PHLDB2: variants seen among roughly 807,000 people sequenced by gnomAD.
PHLDB2 encodes pleckstrin homology-like domain family B member 2.
A neutral mutation model predicts 123.6 loss-of-function variants in PHLDB2; 71 were observed. That is an observed-to-expected ratio of 0.57 (90% CI 0.47 to 0.70). PHLDB2 has a LOEUF of 0.70. Among genes scored for constraint, PHLDB2 ranks in the 30% least tolerant of loss-of-function variants. The pLI, the probability that PHLDB2 is intolerant of heterozygous loss-of-function variation, is 0.00. For synonymous variants in PHLDB2, 547 were observed against 541.6 expected (o/e 1.01, Z -0.14); for missense variants, 1,446 against 1,519.5 (o/e 0.95, Z 0.80).
chr3:111,958,289 T>A (rs2071178308), intron 12 of PHLDB2: 2 of 989,406 alleles, frequency 2.0e-6, no homozygotes, highest in African/African-American at 3.5e-5. Flanking sequence ...AATGAATTCC[T>A]CAGCAGGTGA....
At chr3:111,779,907 C>G in intron 1 of PHLDB2, 1 of 964,732 alleles carries the variant, frequency 1.0e-6, no homozygotes, top group African/African-American at 1.8e-5. Context: ...AGGGTTGGGT[C>G]ATACACCCAA....
At chr3:111,816,784 C>G (rs2062095730) in intron 1 of PHLDB2, among the ~76,000 whole-genome samples, 1 of 152,076 alleles carries the variant, frequency 6.6e-6, no homozygotes, top group African/African-American at 2.4e-5. Context: ...TGAGAGGGGC[C>G]AACAGTGGAA....
chr3:111,918,994 G>A, intron 3 of PHLDB2, 78 bp from the exon 4 acceptor site: 2 of 1,477,432 alleles, frequency 1.4e-6, no homozygotes, highest in Non-Finnish European at 1.9e-6. Context: ...CCCTAGACCT[G>A]TGGATGGTTT....
At chr3:111,857,476 A>AAAAGAACAG, upstream of PHLDB2, among the ~76,000 whole-genome samples, 1 of 146,524 alleles carries the variant, frequency 6.8e-6, no homozygotes, top group East Asian at 2.0e-4. Context: ...AAAAGAAAAG[A>AAAAGAACAG]AAAAAAAATT....
At chr3:111,828,833 C>T (rs1023410595) in intron 1 of PHLDB2, among the ~76,000 whole-genome samples, 1 of 152,196 alleles carries the variant, frequency 6.6e-6, no homozygotes, top group African/African-American at 2.4e-5. Flanking sequence ...ATACCTTCCA[C>T]TTGACTCAGT....
chr3:111,821,786 CT>C (rs2062396862), intron 1 of PHLDB2, among the ~76,000 whole-genome samples: 1 of 152,168 alleles, frequency 6.6e-6, no homozygotes, highest in African/African-American at 2.4e-5. Context: ...GCAGGTGATG[CT>C]ACTAAAAATA....
At chr3:111,762,007 G>C (rs2108015225) in intron 1 of PHLDB2, among the ~76,000 whole-genome samples, 1 of 152,332 alleles carries the variant, frequency 6.6e-6, no homozygotes, top group Non-Finnish European at 1.5e-5. Context: ...AAGAGAGGAT[G>C]AGGGGTCAGA....
In PHLDB2 at chr3:111,737,882, T is replaced by A. The variant is rs151095449; in HGVS notation, c.-49+5179T>A. On this transcript the variant is annotated intron_variant, in intron 1 of 17. Transcript: ENST00000393923. ...GATGGCTTTCGTCCATGGGGCCTAC[T>A]TTGTGGTGATCTCATTAGGTTTCAC... Among the ~76,000 whole-genome samples the A allele has an allele frequency of 1.9e-3, 286 of 152,222 alleles. 1 individual carries two copies. Among genetic ancestry groups the A allele is most frequent in the Middle Eastern group, 6.8e-3 (2 of 294 alleles).
At chr3:111,926,129 A>G (rs1401701553) in intron 5 of PHLDB2, among the ~76,000 whole-genome samples, 2 of 152,242 alleles carry the variant, frequency 1.3e-5, no homozygotes, top group Non-Finnish European at 2.9e-5. Flanking sequence ...CATGAAACAC[A>G]CTTAAAGTTT....
At chr3:111,745,000 A>G (rs2059660150) in intron 1 of PHLDB2, among the ~76,000 whole-genome samples, 1 of 152,182 alleles carries the variant, frequency 6.6e-6, no homozygotes, top group Admixed American at 6.5e-5. Flanking sequence ...TGATCCTCCC[A>G]AGACCTTATT....
chr3:111,853,499 G>A (rs2064349566), intron 2 of PHLDB2, among the ~76,000 whole-genome samples: 1 of 152,156 alleles, frequency 6.6e-6, no homozygotes, highest in South Asian at 2.1e-4. Context: ...AAACGTGGTT[G>A]GAAACTACTC....
chr3:111,804,552 T>C (rs1229092170), intron 1 of PHLDB2, among the ~76,000 whole-genome samples: 1 of 152,216 alleles, frequency 6.6e-6, no homozygotes, highest in Admixed American at 6.5e-5. Flanking sequence ...TAAGATATAC[T>C]ATCTGCAGCA....
chr3:111,814,517 G>T (rs2108356369), intron 1 of PHLDB2, among the ~76,000 whole-genome samples: 1 of 151,916 alleles, frequency 6.6e-6, no homozygotes, highest in Non-Finnish European at 1.5e-5. Context: ...CTTAAAATAA[G>T]ATTGGAAAAC....
At chr3:111,896,688 C>T (rs1467847307) in intron 2 of PHLDB2, among the ~76,000 whole-genome samples, 1 of 151,670 alleles carries the variant, frequency 6.6e-6, no homozygotes, top group African/African-American at 2.4e-5. Flanking sequence ...TTTCTCTTCC[C>T]CAGCTTGAGA....
chr3:111,885,532 A>C (rs762549500), intron 2 of PHLDB2, 120 bp downstream of exon 2: 1 of 1,259,066 alleles, frequency 7.9e-7, no homozygotes, highest in South Asian at 1.2e-5. Flanking sequence ...CACTAGCCAC[A>C]GCTGCTATCT....
At chr3:111,784,313 T>C (rs1250903740) in intron 1 of PHLDB2, among the ~76,000 whole-genome samples, 1 of 152,202 alleles carries the variant, frequency 6.6e-6, no homozygotes, top group Admixed American at 6.5e-5. Context: ...TCATTAGGAC[T>C]GTCTGCAAAA....
At chr3:111,842,375 G>A (rs1318098056) in intron 1 of PHLDB2, among the ~76,000 whole-genome samples, 6 of 151,968 alleles carry the variant, frequency 3.9e-5, no homozygotes, top group African/African-American at 9.7e-5. Context: ...TAACATCCCC[G>A]CCAGGGTGGT....
intron 1 of PHLDB2, among the ~76,000 whole-genome samples, chr3:111,830,953 AAGAG>A (rs199823136): frequency 1.4e-4 from 12 of 84,700 alleles, no homozygotes; most frequent in African/African-American, 6.3e-4. Flanking sequence ...GAAAGAAAGA[AAGAG>A]AAAGAAAGAA....
rs1161449499 is a variant in PHLDB2 at position 111,966,522 on chromosome 3, TCTGGG to T, written c.3078-90_3078-86del. On this transcript the variant is annotated intron_variant, in intron 13 of 17. Coordinates refer to ENST00000431670, the MANE Select transcript of PHLDB2 (RefSeq NM_001134438.2). ...CCCCATGTGTGTGTGTGTGTGTGTG[TCTGGG>T]GTGTGTGTGTGTGTGTGTGTGTATG... 408 of 488,408 alleles carry T rather than the reference TCTGGG, an allele frequency of 8.4e-4. 2 individuals carry two copies. In the African/African-American group the frequency reaches 0.011, roughly 13 times the overall value. The allele number at this position is 488,408 out of a possible 1,614,324, so 30.3% of individuals were successfully genotyped here.
Sources: allele counts gnomAD v4.1 joint callset (sites outside exome capture counted in the v4.1 genomes callset), GRCh38; gene constraint gnomAD v4.1.1; transcripts MANE v1.5; gene names NCBI Gene and HGNC (gene_info 2026-07-23, HGNC 2026-07-21).